Variants in PCNT observed in about 807,000 individuals in gnomAD.
PCNT encodes kendrin.
PCNT carries 319 observed loss-of-function variants against 380.4 expected under a neutral mutation model. The ratio of observed to expected loss-of-function variants is 0.84; its 90% confidence interval spans 0.77 to 0.92. The LOEUF (loss-of-function observed/expected upper bound fraction) is 0.92. Among genes scored for constraint, PCNT ranks in the 40% least tolerant of loss-of-function variants. PCNT has a pLI of 0.00. For missense variants in PCNT, 4,400 were observed against 4,255.3 expected (o/e 1.03, Z -0.95); for synonymous variants, 1,845 against 1,735.2 (o/e 1.06, Z -1.57).
chr21:46,426,426 G>C (rs2087509125), intron 33 of PCNT, among the ~76,000 whole-genome samples: 1 of 152,210 alleles, frequency 6.6e-6, no homozygotes, highest in African/African-American at 2.4e-5. Flanking sequence ...CTCGGGGCAG[G>C]TTCCCTGCGG....
At position 46,370,817 on chromosome 21, in the gene PCNT, T is replaced by C. The variant is rs144151530; in HGVS notation, c.3165+3678T>C. ...TTGGGAGGCTAAGGCGGGCAGATCA[T>C]GAGGTCAGGAGATCAAGACCGTCCT... On this transcript the variant is annotated intron_variant, in intron 15 of 46. Transcript: ENST00000359568. Among the ~76,000 whole-genome samples the C allele has an allele frequency of 9.3e-3, 1,421 of 152,238 alleles. 7 individuals carry two copies. Among genetic ancestry groups the C allele is most frequent in the Non-Finnish European group, 0.015 (1,027 of 67,998 alleles).
At chr21:46,359,115 G>C (rs1412427263) in intron 13 of PCNT, among the ~76,000 whole-genome samples, 2 of 151,952 alleles carry the variant, frequency 1.3e-5, no homozygotes, top group East Asian at 3.9e-4. Flanking sequence ...ACCATGCCCA[G>C]CTAATTTTTG....
chr21:46,367,509 T>C lies in PCNT; in HGVS notation c.3165+370T>C, dbSNP rs570047312. On this transcript the variant is annotated intron_variant, in intron 15 of 46. Transcript: ENST00000359568. ...TTTTAGTAGAGACTGGGCTTCACCA[T>C]GTTGGCCAGGCTGGTCTCGAACTCC... is the stretch of plus-strand genomic sequence containing the variant. Among the ~76,000 whole-genome samples the C allele has an allele frequency of 9.2e-5, 14 of 152,246 alleles. No homozygotes were observed. The South Asian group carries it at 2.7e-3, about 29-fold the overall frequency.
Position 46,440,173 on chromosome 21 carries a change from A to G in PCNT, c.9364A>G (p.Ser3122Gly). ...PDPGRLPPAA[S>G]EEAHTSNVKM... ...CCCCGGCCGGCTTCCACCAGCTGCC[A>G]GCGAGGAAGCACACACCAGCAATGT... Residue 3122 changes from serine (S) to glycine (G), a missense_variant, in exon 42 of 47, where the codon AGC (serine) becomes GGC (glycine). Physicochemically the swap from Ser to Gly is moderately conservative, Grantham distance 56. Coordinates refer to ENST00000359568, the MANE Select transcript of PCNT (RefSeq NM_006031.6). 2.5e-6 allele frequency: 4 copies of G among 1,614,152 alleles called. No homozygotes were observed. Among genetic ancestry groups the G allele is most frequent in the Non-Finnish European group, 3.4e-6 (4 of 1,180,026 alleles).
intron 15 of PCNT, among the ~76,000 whole-genome samples, chr21:46,368,321 G>A (rs373805780): frequency 2.0e-5 from 3 of 152,110 alleles, no homozygotes; most frequent in Non-Finnish European, 2.9e-5. Context: ...GGTGGCGGAC[G>A]CCTGTAGTCC....
At chr21:46,393,356 C>T (rs183558189) in intron 21 of PCNT, among the ~76,000 whole-genome samples, 17 of 152,324 alleles carry the variant, frequency 1.1e-4, no homozygotes, top group Admixed American at 7.2e-4. Context: ...CGTCCTGCAT[C>T]GCTCTCAGCA....
intron 27 of PCNT, among the ~76,000 whole-genome samples, chr21:46,409,221 C>G (rs982073122): frequency 1.5e-5 from 2 of 129,224 alleles, no homozygotes; most frequent in African/African-American, 2.9e-5. Context: ...CAGAGTCTCT[C>G]TCTGTTGCCC....
intron 25 of PCNT, 92 bp downstream of exon 25, chr21:46,399,888 CCTT>C (rs1414425485): frequency 1.2e-5 from 13 of 1,087,322 alleles, no homozygotes; most frequent in South Asian, 2.5e-5. Flanking sequence ...GGCAGGGCGT[CCTT>C]CTTCACTGGC....
chr21:46,422,918 T>A (rs1489450808), intron 32 of PCNT, among the ~76,000 whole-genome samples: 1 of 152,168 alleles, frequency 6.6e-6, no homozygotes, highest in African/African-American at 2.4e-5. Context: ...TCCATGACGT[T>A]AAGTGAGGAC....
rs1212798459 is a variant in PCNT, at chr21:46,357,200, T to C, written c.2154+9T>C. The C allele has an allele frequency of 6.3e-7, 1 of 1,580,654 alleles. No homozygotes were observed. The highest frequency in any genetic ancestry group is 8.7e-7 in the Non-Finnish European group (1 of 1,149,520). ...AGGACGATTTGGAGAAGGTGAGTCG[T>C]GACTCCACAGCCCAGCGCCTCCCGC... is the stretch of plus-strand genomic sequence containing the variant. On this transcript the variant is annotated intron_variant, in intron 13 of 46. Coordinates refer to ENST00000359568, the MANE Select transcript of PCNT (RefSeq NM_006031.6).
chr21:46,359,777 G>A (rs529868633), intron 13 of PCNT, among the ~76,000 whole-genome samples: 5 of 151,774 alleles, frequency 3.3e-5, no homozygotes, highest in South Asian at 2.1e-4. Context: ...GTGAGCCACC[G>A]TACCCAGCCT....
At chr21:46,353,907 A>T in intron 10 of PCNT, 80 bp from the exon 11 acceptor site, 1 of 1,213,400 alleles carries the variant, frequency 8.2e-7, no homozygotes. Context: ...TGCTGTGAGC[A>T]GTCGGTCCTG....
chr21:46,353,435 T>C, intron 10 of PCNT, 109 bp downstream of exon 10: 1 of 902,148 alleles, frequency 1.1e-6, no homozygotes. Flanking sequence ...CCAATGGCCT[T>C]TTATACAAAC....
chr21:46,445,330 A>G lies in PCNT; in HGVS notation c.*3A>G, dbSNP rs758348628. ...GCCACCCGATGATTAAACAGTGAAT[A>G]AAATGTCATGGCTCTTTCCTGCGAC... On this transcript the variant is annotated 3_prime_UTR_variant, in exon 47 of 47. Coordinates refer to ENST00000359568, the MANE Select transcript of PCNT (RefSeq NM_006031.6). The G allele has an allele frequency of 7.5e-6, 12 of 1,597,662 alleles. No homozygotes were observed. The highest frequency in any genetic ancestry group is 1.3e-5 in the African/African-American group (1 of 74,612).
intron 1 of PCNT, chr21:46,325,150 A>G (rs984729805): frequency 2.0e-6 from 2 of 985,564 alleles, no homozygotes; most frequent in East Asian, 2.3e-4. Context: ...ACTCGGGGGC[A>G]GGAGAAAGGG....
chr21:46,353,062 T>C (rs776033679), intron 9 of PCNT, 42 bp from the exon 10 acceptor site: 11 of 1,520,192 alleles, frequency 7.2e-6, no homozygotes, highest in Non-Finnish European at 1.0e-5. Flanking sequence ...TTGTTGTGGG[T>C]GTCCCATTTT....
chr21:46,347,268 C>G (rs1319828156), intron 5 of PCNT, among the ~76,000 whole-genome samples, 189 bp from the exon 6 acceptor site: 1 of 152,164 alleles, frequency 6.6e-6, no homozygotes, highest in African/African-American at 2.4e-5. Context: ...TTAGATCGTC[C>G]TGTGTGTCTG....
chr21:46,381,882 G>A (rs2081690161), intron 16 of PCNT, 42 bp downstream of exon 16: 1 of 1,606,248 alleles, frequency 6.2e-7, no homozygotes. Flanking sequence ...GACGTGTATA[G>A]CATAAAAATC....
At position 46,343,851 on chromosome 21, in the gene PCNT, A is replaced by T. The variant is rs2146507028; in HGVS notation, c.640-2277A>T. 2.6e-5 allele frequency among the ~76,000 whole-genome samples: 4 copies of T among 152,140 alleles called. 1 individual carries two copies. The South Asian group carries it at 8.3e-4, about 32-fold the overall frequency. On this transcript the variant is annotated intron_variant, in intron 3 of 46. Transcript: ENST00000359568. ...TTCTTCCTGGTCTAATCTCGAAGGGATGTATATTTCCAGGAATTTATCCAT... is the reference window on the plus strand; with the variant it reads ...TTCTTCCTGGTCTAATCTCGAAGGGTTGTATATTTCCAGGAATTTATCCAT...
Sources: allele counts gnomAD v4.1 joint callset (sites outside exome capture counted in the v4.1 genomes callset), GRCh38; gene constraint gnomAD v4.1.1; transcripts MANE v1.5; gene names NCBI Gene and HGNC (gene_info 2026-07-23, HGNC 2026-07-21).